Variants in PCDHA4 observed in about 807,000 individuals in gnomAD.
PCDHA4 encodes the protein protocadherin alpha 4.
In PCDHA4, 49 loss-of-function variants were observed where a neutral mutation model predicts 61.4. The observed-to-expected ratio is 0.80, with a 90% CI of 0.63 to 1.01. PCDHA4 has a LOEUF of 1.01. PCDHA4 is among the 50% of genes least tolerant of loss of function. PCDHA4 has a pLI of 0.00. For synonymous variants in PCDHA4, 590 were observed against 550.3 expected, an observed-to-expected ratio of 1.07 and a Z score of -1.01; for missense variants, 1,254 against 1,235.8, an observed-to-expected ratio of 1.01 and a Z score of -0.22.
intron 1 of PCDHA4, among the ~76,000 whole-genome samples, chr5:140,820,731 T>C (rs1766818492): frequency 6.6e-6 from 1 of 152,054 alleles, no homozygotes; most frequent in Admixed American, 6.5e-5. Flanking sequence ...AACCTAAACA[T>C]TTTGTGAAAT....
chr5:140,890,776 A>T (rs1554184541), intron 1 of PCDHA4, among the ~76,000 whole-genome samples: 2 of 152,198 alleles, frequency 1.3e-5, no homozygotes, highest in Non-Finnish European at 2.9e-5. Context: ...TTAAAACCCC[A>T]TAAGATATTA....
rs2150130231 is a variant in PCDHA4, at chr5:140,823,910, T to G, written c.2385+14338T>G. On this transcript the variant is annotated intron_variant, in intron 1 of 3. Coordinates refer to ENST00000530339, the MANE Select transcript of PCDHA4 (RefSeq NM_018907.4). Reference sequence around the variant, plus strand: ...TGTGCGGTGTCCAGCCTGCTGGTGCTCACGCTGCTGCTGTACACCGCGCTG... The same window carrying G: ...TGTGCGGTGTCCAGCCTGCTGGTGCGCACGCTGCTGCTGTACACCGCGCTG... The G allele has an allele frequency of 2.2e-4, 363 of 1,613,972 alleles. No individual in the cohort carries two copies. The African/African-American group carries it at 4.2e-3, about 19-fold the overall frequency.
intron 1 of PCDHA4, among the ~76,000 whole-genome samples, chr5:140,931,548 G>C (rs2087590460): frequency 6.6e-6 from 1 of 151,968 alleles, no homozygotes; most frequent in African/African-American, 2.4e-5. Flanking sequence ...CTGTTCATAT[G>C]TGCAGGAATA....
At chr5:140,983,720 T>G (rs1563510266) in intron 3 of PCDHA4, among the ~76,000 whole-genome samples, 1 of 152,228 alleles carries the variant, frequency 6.6e-6, no homozygotes, top group Non-Finnish European at 1.5e-5. Context: ...AGCACTTATA[T>G]TCATAACATG....
chr5:140,848,506 C>A (rs1229499943), intron 1 of PCDHA4: 1 of 1,588,430 alleles, frequency 6.3e-7, no homozygotes. Context: ...ATGTTATACT[C>A]AAGTCGAGGA....
rs782412304 is a variant in PCDHA4, at chr5:140,808,880, C to T, written c.1693C>T (p.Leu565=). 5 of 1,613,204 alleles carry T rather than the reference C, an allele frequency of 3.1e-6. No homozygotes were observed. The highest frequency in any genetic ancestry group is 4.2e-6 in the Non-Finnish European group (5 of 1,179,902). Residue 565 remains leucine, a synonymous_variant, in exon 1 of 4, where the codon CTG becomes TTG. Coordinates refer to ENST00000530339, the MANE Select transcript of PCDHA4 (RefSeq NM_018907.4). Reference sequence around the variant, plus strand: ...GGACGAAAACGACAACGCGCCAGCACTGCTAGCGCCTCGGGCGGGTGGCAC... The same window carrying T: ...GGACGAAAACGACAACGCGCCAGCATTGCTAGCGCCTCGGGCGGGTGGCAC... The part of the protein sequence containing the change: ...VLDENDNAPA[L]LAPRAGGTGG...
intron 1 of PCDHA4, chr5:140,823,691 C>T (rs2150128189): frequency 1.9e-6 from 3 of 1,613,862 alleles, no homozygotes; most frequent in Non-Finnish European, 2.5e-6. Flanking sequence ...CTGGATGAGA[C>T]CGAAGCACCG....
rs2150356051 is a variant in PCDHA4, at chr5:140,843,257, C to A, written c.2385+33685C>A. On this transcript the variant is annotated intron_variant, in intron 1 of 3. Coordinates refer to ENST00000530339, the MANE Select transcript of PCDHA4 (RefSeq NM_018907.4). ...GGACGAAGCGGACTCTCCGCGCCAC[C>A]GTCTGCTGGTCCTGGTGAAGGATCA... 1.1e-5 allele frequency: 18 copies of A among 1,596,054 alleles called. 1 individual carries two copies. Among genetic ancestry groups the A allele is most frequent in the Non-Finnish European group, 1.5e-5 (18 of 1,165,602 alleles).
chr5:140,887,361 G>T (rs2061424710), intron 1 of PCDHA4, among the ~76,000 whole-genome samples: 1 of 152,144 alleles, frequency 6.6e-6, no homozygotes, highest in South Asian at 2.1e-4. Flanking sequence ...CTCCCAAAGT[G>T]CTGGGATTAC....
At position 140,983,206 on chromosome 5, in the gene PCDHA4, C is replaced by G. The variant is rs184479967; in HGVS notation, c.2533+643C>G. 1.8e-3 allele frequency among the ~76,000 whole-genome samples: 271 copies of G among 152,316 alleles called. 2 individuals are homozygous for G. Among genetic ancestry groups the G allele is most frequent in the South Asian group, 2.5e-3 (12 of 4,822 alleles). On this transcript the variant is annotated intron_variant, in intron 3 of 3. Transcript: ENST00000530339. ...TCTTAGTTTAGAGGGATAATAGGGA[C>G]TATTTCCTAATCCAAACTTTCAGGA...
chr5:140,928,709 C>T (rs1563108337), intron 1 of PCDHA4: 1 of 1,614,180 alleles, frequency 6.2e-7, no homozygotes, highest in Non-Finnish European at 8.5e-7. Context: ...GCGTCTGACT[C>T]TAGTCTCTTT....
intron 1 of PCDHA4, among the ~76,000 whole-genome samples, chr5:140,914,821 A>G (rs1046692794): frequency 6.6e-6 from 1 of 152,212 alleles, no homozygotes; most frequent in Non-Finnish European, 1.5e-5. Flanking sequence ...AACAGACTGC[A>G]TAAACAAAAA....
At chr5:140,982,041 A>C (rs1450726743) in intron 2 of PCDHA4, among the ~76,000 whole-genome samples, 2 of 152,268 alleles carry the variant, frequency 1.3e-5, no homozygotes, top group Non-Finnish European at 2.9e-5. Context: ...TCCAATTATC[A>C]GAAAATATTT....
At chr5:140,963,437 A>G (rs1218824827) in intron 1 of PCDHA4, among the ~76,000 whole-genome samples, 2 of 152,144 alleles carry the variant, frequency 1.3e-5, no homozygotes, top group African/African-American at 4.8e-5. Context: ...CTAACTTCAT[A>G]CTCTGTTGCT....
At position 140,808,742 on chromosome 5, in the gene PCDHA4, G is replaced by A. The variant is rs782024587; in HGVS notation, c.1555G>A (p.Ala519Thr). 3.7e-6 allele frequency: 6 copies of A among 1,612,130 alleles called. No homozygotes were observed. In the South Asian group the frequency reaches 6.6e-5, roughly 18 times the overall value. ...GCATGCGGAGAGCGGCAAGGTGTAC[G>A]CGCTGCAGCCGCTGGACCACGAGGA... is the stretch of plus-strand genomic sequence containing the variant. ...SVHAESGKVY[A>T]LQPLDHEELE... Residue 519 changes from alanine (A) to threonine (T), a missense_variant, in exon 1 of 4, where the codon GCG becomes ACG. Coordinates refer to ENST00000530339, the MANE Select transcript of PCDHA4 (RefSeq NM_018907.4).
intron 1 of PCDHA4, among the ~76,000 whole-genome samples, chr5:140,820,606 G>T (rs2150107398): frequency 6.6e-6 from 1 of 151,906 alleles, no homozygotes; most frequent in Non-Finnish European, 1.5e-5. Context: ...TTTCTAGGTC[G>T]TGTTCAAATC....
intron 1 of PCDHA4, chr5:140,859,327 AAAT>A (rs2045812871): frequency 7.8e-6 from 1 of 128,784 alleles, no homozygotes; most frequent in Non-Finnish European, 1.8e-5. Flanking sequence ...TTTGAGGAGA[AAAT>A]AAAATTAATG....
intron 1 of PCDHA4, chr5:140,852,303 A>G: frequency 4.8e-6 from 2 of 418,848 alleles, no homozygotes; most frequent in Non-Finnish European, 6.7e-6. Flanking sequence ...TCTGAGACGG[A>G]GTCGTTTTCT....
chr5:140,985,813 CA>C lies in PCDHA4; in HGVS notation c.2533+3251del, dbSNP rs527803363. 8.2e-5 allele frequency among the ~76,000 whole-genome samples: 12 copies of C among 146,604 alleles called. No homozygotes were observed. In the East Asian group the frequency reaches 2.3e-3, roughly 28 times the overall value. ...GGAGTGCAGTGGCACGATCTCAGCT[CA>C]CAACAAGCTCTGCCTCCCGGGTTCA... On this transcript the variant is annotated intron_variant, in intron 3 of 3. Transcript: ENST00000530339.
Sources: gnomAD v4.1 joint callset for allele counts (sites outside exome capture counted in the v4.1 genomes callset) on GRCh38, gnomAD v4.1.1 for gene constraint, MANE v1.5 for transcripts, NCBI Gene and HGNC (gene_info 2026-07-23, HGNC 2026-07-21) for gene names.